Variants in FKBP1B observed in about 807,000 individuals in gnomAD.
FKBP1B encodes peptidyl-prolyl cis-trans isomerase FKBP1B.
FKBP1B carries 4 observed loss-of-function variants against 13.5 expected under a neutral mutation model. The ratio of observed to expected loss-of-function variants is 0.30; its 90% CI spans 0.15 to 0.68. FKBP1B has a LOEUF of 0.68. Among genes scored for constraint, FKBP1B ranks in the 30% least tolerant of loss-of-function variants. The pLI, the probability that FKBP1B is intolerant of heterozygous loss-of-function variation, is 0.76. For missense variants in FKBP1B, 93 were observed against 136.2 expected, an observed-to-expected ratio of 0.68 and a Z score of 1.58; for synonymous variants, 54 against 53.6, an observed-to-expected ratio of 1.01 and a Z score of -0.03.
intron 1 of FKBP1B, among the ~76,000 whole-genome samples, chr2:24,051,476 C>G (rs1225283158): frequency 1.3e-5 from 2 of 152,240 alleles, no homozygotes; most frequent in East Asian, 3.8e-4. Context: ...CTTCATCTCT[C>G]ACCACCTGTC....
chr2:24,052,296 T>C (rs571876702), intron 1 of FKBP1B, among the ~76,000 whole-genome samples: 18 of 152,230 alleles, frequency 1.2e-4, no homozygotes, highest in South Asian at 8.3e-4. Flanking sequence ...TGTCATTCTC[T>C]GGCTTAAAAC....
At chr2:24,036,899 T>C in the FKBP1B span, among the ~76,000 whole-genome samples, 4 of 152,354 alleles carry the variant, frequency 2.6e-5, no homozygotes, top group East Asian at 1.9e-4. Flanking sequence ...AAGGGGAAGA[T>C]GGGGCAAGGC....
chr2:24,043,845 T>C, the FKBP1B span, among the ~76,000 whole-genome samples: 5 of 152,076 alleles, frequency 3.3e-5, no homozygotes, highest in Admixed American at 1.3e-4. Flanking sequence ...TTATTTCGCA[T>C]ATCTCCTTGC....
At position 24,050,643 on chromosome 2, in the gene FKBP1B, C is replaced by T. The variant is rs1663825637; in HGVS notation, c.37+757C>T. Among the ~76,000 whole-genome samples the T allele has an allele frequency of 2.0e-5, 3 of 152,322 alleles. No homozygotes were observed. In the South Asian group the frequency reaches 6.2e-4, roughly 32 times the overall value. On this transcript the variant is annotated intron_variant, in intron 1 of 3. Transcript: ENST00000380986. This position sits in a 1 kb window ranked among gnomAD's most constrained non-coding sequence, Gnocchi z 5.8. ...ATCCCCCTTCCGTGTCTCACTTTCC[C>T]AAGTCCTTGTATTACTGGGTCTGGG...
intron 1 of FKBP1B, among the ~76,000 whole-genome samples, chr2:24,051,418 A>AG (rs1381453132): frequency 2.0e-5 from 3 of 151,734 alleles, no homozygotes; most frequent in Non-Finnish European, 4.4e-5. Flanking sequence ...CCTCTCCCCC[A>AG]GGAGGGGCCT....
At chr2:24,059,889 C>T (rs112055711) in intron 2 of FKBP1B, among the ~76,000 whole-genome samples, 22,452 of 108,784 alleles carry the variant, frequency 0.21, 2,739 homozygotes, top group African/African-American at 0.39. Context: ...AGGGAGACTC[C>T]GACTCAAAAA....
the FKBP1B span, chr2:24,039,124 T>C: frequency 6.2e-7 from 1 of 1,614,170 alleles, no homozygotes; most frequent in Admixed American, 1.7e-5. Flanking sequence ...AATAGCACAT[T>C]TTGGGTGCCA....
At chr2:24,058,658 A>T (rs924331903) in intron 2 of FKBP1B, among the ~76,000 whole-genome samples, 2 of 152,234 alleles carry the variant, frequency 1.3e-5, no homozygotes, top group Non-Finnish European at 2.9e-5. Context: ...TTGTACAAGT[A>T]TGTATCTGTG....
the FKBP1B span, among the ~76,000 whole-genome samples, chr2:24,044,000 G>A: frequency 6.6e-6 from 1 of 152,118 alleles, no homozygotes; most frequent in Non-Finnish European, 1.5e-5. Flanking sequence ...AGAAAACTGT[G>A]ATCTCTGTCC....
At chr2:24,051,205 G>T (rs544384414) in intron 1 of FKBP1B, among the ~76,000 whole-genome samples, 3 of 152,012 alleles carry the variant, frequency 2.0e-5, no homozygotes, top group African/African-American at 7.3e-5. Context: ...ATGGTGGTAC[G>T]CACCTGTAAT....
upstream of FKBP1B, chr2:24,047,231 C>T: frequency 6.6e-6 from 1 of 152,628 alleles, no homozygotes; most frequent in Non-Finnish European, 1.5e-5. Flanking sequence ...GCCCCCTACC[C>T]ACCAAGAGCC....
At chr2:24,053,052 G>A (rs1663951701) in intron 1 of FKBP1B, among the ~76,000 whole-genome samples, 1 of 152,044 alleles carries the variant, frequency 6.6e-6, no homozygotes, top group Admixed American at 6.6e-5. Flanking sequence ...CCTGTGATCA[G>A]GCACAGGCTT....
At chr2:24,055,306 G>A (rs972285609) in intron 2 of FKBP1B, among the ~76,000 whole-genome samples, 2 of 151,830 alleles carry the variant, frequency 1.3e-5, no homozygotes, top group Non-Finnish European at 2.9e-5. Context: ...GACCTCTCGG[G>A]CTCAAGTGAC....
chr2:24,035,127 G>GAAAATTTTTACTTTCTGTAATGGT, the FKBP1B span, among the ~76,000 whole-genome samples: 35 of 151,480 alleles, frequency 2.3e-4, 1 homozygote, highest in East Asian at 6.4e-3. Flanking sequence ...TTGGATTATG[G>GAAAATTTTTACTTTCTGTAATGGT]AAAATTTTTA....
chr2:24,053,464 A>G (rs1663973516), intron 1 of FKBP1B, among the ~76,000 whole-genome samples: 1 of 151,748 alleles, frequency 6.6e-6, no homozygotes, highest in Admixed American at 6.6e-5. Context: ...GTGTTTATTC[A>G]TCTTTGATGG....
intron 2 of FKBP1B, among the ~76,000 whole-genome samples, chr2:24,057,409 C>T (rs948284268): frequency 6.6e-6 from 1 of 150,630 alleles, no homozygotes; most frequent in African/African-American, 2.4e-5. Context: ...GTTTTGCTAT[C>T]GTTGCCCAGG....
chr2:24,039,212 T>C, the FKBP1B span: 5 of 1,614,252 alleles, frequency 3.1e-6, no homozygotes, highest in Non-Finnish European at 4.2e-6. Context: ...CTTGACTCCA[T>C]AGGGCTGGGA....
At chr2:24,042,849 C>T in the FKBP1B span, among the ~76,000 whole-genome samples, 1 of 151,544 alleles carries the variant, frequency 6.6e-6, no homozygotes, top group East Asian at 1.9e-4. Context: ...GCCTGACCAA[C>T]ATGGAGAAAC....
the FKBP1B span, among the ~76,000 whole-genome samples, chr2:24,042,422 G>C: frequency 6.6e-6 from 1 of 151,738 alleles, no homozygotes; most frequent in Admixed American, 6.6e-5. Flanking sequence ...TGTAGTCCCA[G>C]CTACTCGGAA....
Sources: allele counts gnomAD v4.1 joint callset (sites outside exome capture counted in the v4.1 genomes callset), GRCh38; gene constraint gnomAD v4.1.1; non-coding constraint Gnocchi (gnomAD v3.1); transcripts MANE v1.5; gene names NCBI Gene and HGNC (gene_info 2026-07-23, HGNC 2026-07-21).